SH3GL2: variants seen among roughly 807,000 people sequenced by gnomAD.
SH3GL2 encodes SH3 domain containing GRB2 like 2, endophilin A1, also known as endophilin-A1.
In SH3GL2, 24 loss-of-function variants were observed where a neutral mutation model predicts 46.0. The observed-to-expected ratio is 0.52, with a 90% confidence interval of 0.38 to 0.73. The LOEUF is 0.73. SH3GL2 is among the 30% of genes least tolerant of loss of function. SH3GL2 has a pLI of 0.00. For synonymous variants in SH3GL2, 196 were observed against 147.1 expected, an observed-to-expected ratio of 1.33 and a Z score of -2.40; for missense variants, 413 against 424.2, an observed-to-expected ratio of 0.97 and a Z score of 0.23.
chr9:17,729,613 A>G (rs902607411), intron 1 of SH3GL2, among the ~76,000 whole-genome samples: 1 of 152,188 alleles, frequency 6.6e-6, no homozygotes, highest in Non-Finnish European at 1.5e-5. Flanking sequence ...TTAAATCTTT[A>G]ATCCATCTTG....
intron 1 of SH3GL2, among the ~76,000 whole-genome samples, chr9:17,626,311 G>C (rs1268806202): frequency 6.6e-6 from 1 of 152,214 alleles, no homozygotes; most frequent in Non-Finnish European, 1.5e-5. Context: ...GCAGGAGCAT[G>C]TTGCGGGGGA....
intron 1 of SH3GL2, among the ~76,000 whole-genome samples, chr9:17,662,472 G>A (rs1820245700): frequency 6.6e-6 from 1 of 152,090 alleles, no homozygotes; most frequent in Non-Finnish European, 1.5e-5. Context: ...ATACTATCAT[G>A]CCTTTGGCCT....
intron 1 of SH3GL2, among the ~76,000 whole-genome samples, chr9:17,600,673 A>G (rs1487823802): frequency 6.6e-6 from 1 of 152,186 alleles, no homozygotes; most frequent in East Asian, 1.9e-4. Flanking sequence ...TTTAATATTG[A>G]ACATGCTAAC....
At chr9:17,656,792 A>G (rs1170767819) in intron 1 of SH3GL2, among the ~76,000 whole-genome samples, 1 of 151,410 alleles carries the variant, frequency 6.6e-6, no homozygotes, top group East Asian at 1.9e-4. Context: ...AAAAAACAAA[A>G]AAGGCTTTTC....
At chr9:17,696,896 C>A (rs1345358026) in intron 1 of SH3GL2, among the ~76,000 whole-genome samples, 1 of 152,294 alleles carries the variant, frequency 6.6e-6, no homozygotes, top group South Asian at 2.1e-4. Context: ...AACCCTCTTA[C>A]CTTCCATCAC....
intron 1 of SH3GL2, among the ~76,000 whole-genome samples, chr9:17,641,712 G>C (rs201939239): frequency 6.6e-6 from 1 of 152,026 alleles, no homozygotes. Flanking sequence ...GTTCCTCTGT[G>C]AGTTTGCTGA....
At chr9:17,701,684 G>A (rs1206135631) in intron 1 of SH3GL2, among the ~76,000 whole-genome samples, 7 of 152,156 alleles carry the variant, frequency 4.6e-5, no homozygotes, top group South Asian at 2.1e-4. Context: ...AGAAGATATC[G>A]TGGAAGGAAA....
chr9:17,706,650 T>A (rs544330204), intron 1 of SH3GL2, among the ~76,000 whole-genome samples: 1 of 152,236 alleles, frequency 6.6e-6, no homozygotes, highest in Admixed American at 6.6e-5. Context: ...GTTTCTTTTA[T>A]GTAAATGGGC....
At chr9:17,680,346 G>A (rs1820735445) in intron 1 of SH3GL2, among the ~76,000 whole-genome samples, 2 of 152,066 alleles carry the variant, frequency 1.3e-5, no homozygotes, top group South Asian at 4.1e-4. Flanking sequence ...CTTCTTCCTG[G>A]TTTAGTCTTG....
At chr9:17,717,104 A>G (rs1821781715) in intron 1 of SH3GL2, among the ~76,000 whole-genome samples, 1 of 152,114 alleles carries the variant, frequency 6.6e-6, no homozygotes, top group Non-Finnish European at 1.5e-5. Flanking sequence ...GAACAGCAAT[A>G]TAAAGCTGAA....
intron 4 of SH3GL2, among the ~76,000 whole-genome samples, chr9:17,786,730 C>G (rs925150939): frequency 7.9e-5 from 12 of 152,134 alleles, no homozygotes; most frequent in African/African-American, 2.4e-4. Context: ...TCCCACCCCC[C>G]CCACTATAAG....
intron 1 of SH3GL2, among the ~76,000 whole-genome samples, chr9:17,714,367 T>C (rs1264737262): frequency 6.6e-6 from 1 of 151,812 alleles, no homozygotes; most frequent in East Asian, 1.9e-4. Flanking sequence ...AATATGATTA[T>C]TCATATCTTT....
chr9:17,767,926 A>T (rs993107698), intron 3 of SH3GL2, among the ~76,000 whole-genome samples: 3 of 152,190 alleles, frequency 2.0e-5, no homozygotes, highest in African/African-American at 7.2e-5. Context: ...CTACTTCTAC[A>T]TCTTTGGGGA....
At chr9:17,772,652 T>C (rs1229537158) in intron 3 of SH3GL2, among the ~76,000 whole-genome samples, 1 of 152,228 alleles carries the variant, frequency 6.6e-6, no homozygotes, top group Non-Finnish European at 1.5e-5. Context: ...GGTTTACTTA[T>C]GTAATAGTGT....
intron 1 of SH3GL2, among the ~76,000 whole-genome samples, chr9:17,726,699 A>G (rs1822028850): frequency 6.6e-6 from 1 of 152,214 alleles, no homozygotes; most frequent in African/African-American, 2.4e-5. Flanking sequence ...AGAGAGGATC[A>G]ATTAGCATTA....
At chr9:17,756,704 G>C (rs905307814) in intron 2 of SH3GL2, among the ~76,000 whole-genome samples, 1 of 151,992 alleles carries the variant, frequency 6.6e-6, no homozygotes, top group Non-Finnish European at 1.5e-5. Flanking sequence ...ATGTGCCACA[G>C]TTTCTTAATC....
chr9:17,689,406 C>T (rs765330358), intron 1 of SH3GL2, among the ~76,000 whole-genome samples: 1 of 152,036 alleles, frequency 6.6e-6, no homozygotes, highest in Non-Finnish European at 1.5e-5. Flanking sequence ...CACTTTAGTT[C>T]ATAATAATAT....
At chr9:17,724,453 C>T (rs981361656) in intron 1 of SH3GL2, among the ~76,000 whole-genome samples, 61 of 152,002 alleles carry the variant, frequency 4.0e-4, no homozygotes, top group African/African-American at 1.4e-3. Context: ...TGACTACTGC[C>T]GAGCCATATC....
At chr9:17,661,054 C>T (rs142868429) in intron 1 of SH3GL2, among the ~76,000 whole-genome samples, 183 of 152,010 alleles carry the variant, frequency 1.2e-3, no homozygotes, top group African/African-American at 3.5e-3. Flanking sequence ...TCCAGTTACT[C>T]GGGAGGCTGA....
Sources: allele counts gnomAD v4.1 joint callset (sites outside exome capture counted in the v4.1 genomes callset), GRCh38; gene constraint gnomAD v4.1.1; transcripts MANE v1.5; gene names NCBI Gene and HGNC (gene_info 2026-07-23, HGNC 2026-07-21).